Variants in TRAPPC13 observed in about 807,000 individuals in gnomAD.
The protein encoded by TRAPPC13 is trafficking protein particle complex subunit 13.
TRAPPC13 carries 39 observed loss-of-function variants against 54.0 expected under a neutral mutation model. The observed-to-expected ratio is 0.72, with a 90% confidence interval of 0.56 to 0.94. TRAPPC13 has a LOEUF of 0.94. Ranked by LOEUF, TRAPPC13 falls within the 40% of genes least tolerant of loss-of-function variation. TRAPPC13 has a pLI of 0.00. For missense variants in TRAPPC13, 386 were observed against 488.1 expected (o/e 0.79, Z 1.97); for synonymous variants, 148 against 167.7 (o/e 0.88, Z 0.91).
chr5:65,634,835 G>A (rs1023076215), intron 1 of TRAPPC13: 5 of 257,758 alleles, frequency 1.9e-5, no homozygotes, highest in Non-Finnish European at 3.0e-5. Flanking sequence ...GGAGATAGAG[G>A]TTGCAGTGAG....
At chr5:65,662,216 C>T in intron 11 of TRAPPC13, 66 bp downstream of exon 11, 1 of 1,098,622 alleles carries the variant, frequency 9.1e-7, no homozygotes, top group Non-Finnish European at 1.3e-6. Context: ...ATTTTAAAAT[C>T]TTTTTGTTAC....
chr5:65,660,966 T>C (rs1020908977), intron 10 of TRAPPC13, 69 bp downstream of exon 10: 3 of 1,329,510 alleles, frequency 2.3e-6, no homozygotes, highest in South Asian at 1.5e-5. Context: ...AACTTAATTT[T>C]TTCTACATCC....
At chr5:65,661,724 C>T in intron 10 of TRAPPC13, 1 of 194,800 alleles carries the variant, frequency 5.1e-6, no homozygotes, top group Non-Finnish European at 1.0e-5. Flanking sequence ...TAGAGTTACA[C>T]ACATAGAAGC....
At chr5:65,639,824 C>T (rs1173998527) in intron 4 of TRAPPC13, among the ~76,000 whole-genome samples, 1 of 152,148 alleles carries the variant, frequency 6.6e-6, no homozygotes, top group Non-Finnish European at 1.5e-5. Flanking sequence ...CCGCTAATGA[C>T]CTGAAATTTC....
intron 10 of TRAPPC13, 140 bp from the exon 11 acceptor site, chr5:65,661,905 CAAGTA>C (rs1270727120): frequency 3.7e-6 from 2 of 535,612 alleles, no homozygotes; most frequent in Non-Finnish European, 6.4e-6. Flanking sequence ...AAATGAGAGA[CAAGTA>C]AAGTGAATCA....
chr5:65,635,917 G>T, intron 2 of TRAPPC13, 27 bp from the exon 3 acceptor site: 1 of 1,452,762 alleles, frequency 6.9e-7, no homozygotes, highest in South Asian at 1.3e-5. Context: ...GTAGATGTTA[G>T]AATTTTATGT....
intron 4 of TRAPPC13, among the ~76,000 whole-genome samples, chr5:65,642,581 ATTCT>A (rs1223729542): frequency 6.6e-6 from 1 of 150,790 alleles, no homozygotes; most frequent in Non-Finnish European, 1.5e-5. Flanking sequence ...TTTTATTTTG[ATTCT>A]TTGATTTATA....
chr5:65,639,090 AAAAAAT>A (rs1755871343), intron 4 of TRAPPC13, among the ~76,000 whole-genome samples: 2 of 152,192 alleles, frequency 1.3e-5, no homozygotes, highest in South Asian at 4.1e-4. Context: ...TCCATCCCCC[AAAAAAT>A]AAAAATAAAA....
At chr5:65,649,105 A>C (rs946347095) in intron 5 of TRAPPC13, among the ~76,000 whole-genome samples, 10 of 152,176 alleles carry the variant, frequency 6.6e-5, no homozygotes, top group South Asian at 4.1e-4. Flanking sequence ...AGTCTCAGCT[A>C]GTCGGGAGAC....
chr5:65,636,071 C>A, intron 3 of TRAPPC13, 28 bp downstream of exon 3: 1 of 1,382,750 alleles, frequency 7.2e-7, no homozygotes, highest in South Asian at 1.2e-5. Flanking sequence ...ACATAAGAAA[C>A]CTTGTAAAGC....
chr5:65,629,887 G>T, intron 1 of TRAPPC13: 1 of 1,536,054 alleles, frequency 6.5e-7, no homozygotes. Context: ...TGAAAAAGCA[G>T]CATTTAACCT....
At chr5:65,630,170 A>T in intron 1 of TRAPPC13, 1 of 1,536,046 alleles carries the variant, frequency 6.5e-7, no homozygotes, top group Non-Finnish European at 8.7e-7. Context: ...TATTAGGCAC[A>T]ATGAACTTCC....
At chr5:65,632,503 G>A (rs1419237281) in intron 1 of TRAPPC13, among the ~76,000 whole-genome samples, 4 of 152,120 alleles carry the variant, frequency 2.6e-5, no homozygotes, top group Admixed American at 2.6e-4. Context: ...ATGGCTCCAG[G>A]CTTATAATTA....
chr5:65,637,748 A>G lies in TRAPPC13; in HGVS notation c.268A>G (p.Ser90Gly), dbSNP rs954610222. 3 of 1,575,690 alleles carry G rather than the reference A, an allele frequency of 1.9e-6. No homozygotes were observed. Among genetic ancestry groups the G allele is most frequent in the Non-Finnish European group, 2.6e-6 (3 of 1,157,390 alleles). Residue 90 changes from serine to glycine, a missense_variant, in exon 4 of 13, where the codon AGC becomes GGC. Transcript: ENST00000399438. Reference protein sequence around the residue: ...FSSYISVHNDSNQVVKDILVK... With the variant: ...FSSYISVHNDGNQVVKDILVK... Reference sequence around the variant, plus strand: ...CAGTTATATCAGCGTTCATAATGATAGCAATCAAGTTGTAAAAGACATATT... The same window carrying G: ...CAGTTATATCAGCGTTCATAATGATGGCAATCAAGTTGTAAAAGACATATT...
chr5:65,625,969 A>T (rs1467417583), intron 1 of TRAPPC13: 3 of 152,224 alleles, frequency 2.0e-5, no homozygotes, highest in African/African-American at 7.2e-5. Flanking sequence ...ATTATGATGT[A>T]GTCATCAGAC....
rs191382306 is a variant in TRAPPC13, at chr5:65,628,751, A to T, written c.46+3645A>T. On this transcript the variant is annotated intron_variant, in intron 1 of 12. Coordinates refer to ENST00000399438, the MANE Select transcript of TRAPPC13 (RefSeq NM_024941.4). Reference sequence around the variant, plus strand: ...CCCATAAAGTTCTGGGATTACAGGCATGAGCCACCGCACCTGGCAAATCTA... The same window carrying T: ...CCCATAAAGTTCTGGGATTACAGGCTTGAGCCACCGCACCTGGCAAATCTA... Among the ~76,000 whole-genome samples the T allele has an allele frequency of 6.0e-3, 915 of 152,130 alleles. 4 individuals carry two copies. Among genetic ancestry groups the T allele is most frequent in the African/African-American group, 0.021 (870 of 41,514 alleles).
chr5:65,629,095 T>C (rs550705958), intron 1 of TRAPPC13, among the ~76,000 whole-genome samples: 17 of 152,346 alleles, frequency 1.1e-4, no homozygotes, highest in African/African-American at 3.8e-4. Context: ...ATTACATTTT[T>C]TGTTAATTCA....
At chr5:65,629,971 G>A in intron 1 of TRAPPC13, 3 of 1,536,026 alleles carry the variant, frequency 2.0e-6, no homozygotes, top group Non-Finnish European at 2.6e-6. Context: ...AACAGCACAA[G>A]AGGAGATCTT....
intron 1 of TRAPPC13, among the ~76,000 whole-genome samples, chr5:65,628,948 G>A (rs1353703735): frequency 6.6e-6 from 1 of 151,612 alleles, no homozygotes; most frequent in Non-Finnish European, 1.5e-5. Flanking sequence ...TTCCCTAGTA[G>A]CTGGGACTAC....
Sources: allele counts gnomAD v4.1 joint callset (sites outside exome capture counted in the v4.1 genomes callset), GRCh38; gene constraint gnomAD v4.1.1; transcripts MANE v1.5; gene names NCBI Gene and HGNC (gene_info 2026-07-23, HGNC 2026-07-21).